Variants in PPP2R3A observed in about 807,000 individuals in gnomAD.
PPP2R3A encodes the protein protein phosphatase 2 regulatory subunit B''alpha.
Under a neutral mutation model 106.9 loss-of-function variants are expected in PPP2R3A, and 80 were observed. The observed-to-expected ratio is 0.75, with a 90% CI of 0.62 to 0.90. The LOEUF is 0.90. Ranked by LOEUF, PPP2R3A falls within the 40% of genes least tolerant of loss-of-function variation. PPP2R3A has a pLI of 0.00. For missense variants in PPP2R3A, 1,386 were observed against 1,350.4 expected (o/e 1.03, Z -0.41); for synonymous variants, 483 against 468.3 (o/e 1.03, Z -0.41).
At chr3:136,107,487 TC>T (rs1461550550) in intron 13 of PPP2R3A, among the ~76,000 whole-genome samples, 4 of 141,906 alleles carry the variant, frequency 2.8e-5, no homozygotes, top group Non-Finnish European at 6.0e-5. Context: ...TCTGATGTGG[TC>T]CATTCAGGTC....
chr3:135,988,184 A>C (rs898864084), intron 1 of PPP2R3A, among the ~76,000 whole-genome samples: 65 of 151,810 alleles, frequency 4.3e-4, no homozygotes, highest in African/African-American at 1.5e-3. Context: ...CCCACAAACA[A>C]ATCTTTTCTT....
chr3:136,040,712 T>C, intron 3 of PPP2R3A, 147 bp from the exon 4 acceptor site: 1 of 501,946 alleles, frequency 2.0e-6, no homozygotes, highest in Non-Finnish European at 3.5e-6. Flanking sequence ...CCCTAGTTGA[T>C]ATATTTTCCT....
chr3:136,101,867 T>C (rs1031400169), intron 10 of PPP2R3A, 140 bp from the exon 11 acceptor site: 8 of 965,766 alleles, frequency 8.3e-6, no homozygotes, highest in Non-Finnish European at 1.2e-5. Context: ...TCCGCCATTT[T>C]CTCTAACAAA....
rs369574759 is a variant in PPP2R3A at position 135,983,023 on chromosome 3, G to A, written c.-441+17174G>A. Among the ~76,000 whole-genome samples, 19 of 152,244 alleles carry A rather than the reference G, an allele frequency of 1.2e-4. No individual in the cohort carries two copies. In the East Asian group the frequency reaches 1.9e-3, roughly 15 times the overall value. ...CTTAGTGCAAAAATGAACTAATAAC[G>A]TTAGATGTGATAAGTTTATAGTCTT... On this transcript the variant is annotated intron_variant, in intron 1 of 13. Transcript: ENST00000264977.
At chr3:136,074,148 T>G (rs1936525744) in intron 6 of PPP2R3A, among the ~76,000 whole-genome samples, 2 of 152,226 alleles carry the variant, frequency 1.3e-5, no homozygotes. Context: ...CAGTTTGCAT[T>G]TGGAAGAAAC....
chr3:136,119,862 G>A (rs1259782807), intron 13 of PPP2R3A, among the ~76,000 whole-genome samples: 4 of 152,166 alleles, frequency 2.6e-5, no homozygotes, highest in Admixed American at 2.0e-4. Context: ...TACTGAGTAT[G>A]TACCCAAAGG....
intron 13 of PPP2R3A, among the ~76,000 whole-genome samples, chr3:136,126,155 G>A (rs1008495990): frequency 6.6e-6 from 1 of 152,218 alleles, no homozygotes; most frequent in African/African-American, 2.4e-5. Context: ...AGTGGGTGCA[G>A]CCCACAGAGG....
intron 3 of PPP2R3A, among the ~76,000 whole-genome samples, chr3:136,039,829 G>A (rs770199088): frequency 2.6e-5 from 4 of 151,858 alleles, no homozygotes; most frequent in Non-Finnish European, 4.4e-5. Context: ...CCTTTTCATA[G>A]AGAATTTTTT....
At chr3:136,080,785 C>T (rs1936756039) in intron 7 of PPP2R3A, among the ~76,000 whole-genome samples, 1 of 152,120 alleles carries the variant, frequency 6.6e-6, no homozygotes, top group African/African-American at 2.4e-5. Flanking sequence ...CTTACCATAT[C>T]ATGGTCTTCA....
chr3:136,138,695 A>ATTTTTTTTTTTTTTTTTTTTTTT lies in PPP2R3A; in HGVS notation c.3330-6335_3330-6313dup, dbSNP rs747811648. On this transcript the variant is annotated intron_variant, in intron 13 of 13. Transcript: ENST00000264977. ...AGACTCCAAACTAGAGAAATATTGA[A>ATTTTTTTTTTTTTTTTTTTTTTT]TTTTTTTTTTTTTTTTTTTTTTTTT... is the stretch of plus-strand genomic sequence containing the variant. Among the ~76,000 whole-genome samples the ATTTTTTTTTTTTTTTTTTTTTTT allele has an allele frequency of 1.2e-4, 6 of 50,638 alleles. 1 individual carries two copies. Among genetic ancestry groups the ATTTTTTTTTTTTTTTTTTTTTTT allele is most frequent in the African/African-American group, 2.8e-4 (3 of 10,850 alleles). 33.2% of individuals were successfully genotyped at this position (50,638 alleles called of 152,430 possible).
At position 135,981,179 on chromosome 3, in the gene PPP2R3A, A is replaced by G. The variant is rs1032425969; in HGVS notation, c.-441+15330A>G. Among the ~76,000 whole-genome samples the G allele has an allele frequency of 9.9e-5, 15 of 151,844 alleles. 1 individual carries two copies. Among genetic ancestry groups the G allele is most frequent in the Admixed American group, 3.3e-4 (5 of 15,272 alleles). On this transcript the variant is annotated intron_variant, in intron 1 of 13. Coordinates refer to ENST00000264977, the MANE Select transcript of PPP2R3A (RefSeq NM_002718.5). ...GACTATTCAGTAATTAGACTTTTGT[A>G]AAGTAACTTGCTTAGCTGTAGTAGA... is the stretch of plus-strand genomic sequence containing the variant.
intron 1 of PPP2R3A, among the ~76,000 whole-genome samples, chr3:135,978,665 A>G (rs1937486470): frequency 6.6e-6 from 1 of 151,858 alleles, no homozygotes. Flanking sequence ...GTGTGAAACC[A>G]TTTCTTCTAC....
intron 5 of PPP2R3A, among the ~76,000 whole-genome samples, chr3:136,056,039 A>G (rs1276687807): frequency 6.6e-6 from 1 of 152,206 alleles, no homozygotes; most frequent in Non-Finnish European, 1.5e-5. Context: ...TTGGCAAGAT[A>G]TGGTGCAAAG....
intron 3 of PPP2R3A, among the ~76,000 whole-genome samples, chr3:136,039,383 G>A (rs1394271358): frequency 6.6e-6 from 1 of 152,122 alleles, no homozygotes; most frequent in East Asian, 1.9e-4. Context: ...TTTGCTAATA[G>A]TAACGATTGT....
At chr3:136,061,943 A>C (rs1559896567) in intron 5 of PPP2R3A, among the ~76,000 whole-genome samples, 1 of 151,864 alleles carries the variant, frequency 6.6e-6, no homozygotes, top group East Asian at 1.9e-4. Context: ...AAAAAAAAAA[A>C]AAACACTGAG....
At chr3:136,118,327 G>T (rs1044489497) in intron 13 of PPP2R3A, among the ~76,000 whole-genome samples, 2 of 152,068 alleles carry the variant, frequency 1.3e-5, no homozygotes, top group African/African-American at 4.8e-5. Context: ...ACGAGACAAG[G>T]ATGTCCTCTC....
In PPP2R3A at chr3:136,129,441, G is replaced by C. The variant is rs542069415; in HGVS notation, c.3330-15602G>C. ...GAAGAAATGGATAAATTCCTGGACA[G>C]ATACATCCTCCCAAGACTAAACCAG... On this transcript the variant is annotated intron_variant, in intron 13 of 13. Transcript: ENST00000264977. Among the ~76,000 whole-genome samples the C allele has an allele frequency of 2.3e-3, 350 of 152,178 alleles. 3 individuals are homozygous for C. Among genetic ancestry groups the C allele is most frequent in the Non-Finnish European group, 4.3e-3 (289 of 67,988 alleles).
chr3:136,088,408 G>A (rs1241938583), intron 9 of PPP2R3A, among the ~76,000 whole-genome samples: 1 of 152,330 alleles, frequency 6.6e-6, no homozygotes, highest in Non-Finnish European at 1.5e-5. Flanking sequence ...CTGCCTCCAT[G>A]TTGCTGCAGG....
At chr3:135,980,345 C>T (rs557638241) in intron 1 of PPP2R3A, among the ~76,000 whole-genome samples, 6 of 151,110 alleles carry the variant, frequency 4.0e-5, no homozygotes, top group East Asian at 3.9e-4. Context: ...AGGAAATGAA[C>T]GAAATATCTT....
Sources: allele counts gnomAD v4.1 joint callset (sites outside exome capture counted in the v4.1 genomes callset), GRCh38; gene constraint gnomAD v4.1.1; transcripts MANE v1.5; gene names NCBI Gene and HGNC (gene_info 2026-07-23, HGNC 2026-07-21).